Variants in CYB5R3 observed in about 807,000 individuals in gnomAD.
The protein encoded by CYB5R3 is cytochrome b5 reductase 3.
A neutral mutation model predicts 36.5 loss-of-function variants in CYB5R3; 28 were observed. That is an observed-to-expected ratio of 0.77 (90% confidence interval 0.57 to 1.05). CYB5R3 has a LOEUF of 1.05. Ranked by LOEUF, CYB5R3 falls within the 50% of genes least tolerant of loss-of-function variation. CYB5R3 has a pLI of 0.00. For synonymous variants in CYB5R3, 181 were observed against 159.8 expected (o/e 1.13, Z -1.00); for missense variants, 474 against 408.9 (o/e 1.16, Z -1.37).
intron 7 of CYB5R3, among the ~76,000 whole-genome samples, chr22:42,625,756 G>A (rs1367753727): frequency 3.3e-5 from 5 of 152,134 alleles, no homozygotes; most frequent in Admixed American, 1.3e-4. Flanking sequence ...TTCTCGGAGT[G>A]TAGCATGGGG....
intron 1 of CYB5R3, among the ~76,000 whole-genome samples, chr22:42,646,381 G>A (rs745387573): frequency 9.9e-5 from 15 of 152,224 alleles, no homozygotes; most frequent in Admixed American, 2.6e-4. Flanking sequence ...AGGGACACAG[G>A]GTGCCAGAGT....
At chr22:42,620,648 C>T (rs1927914912) in intron 8 of CYB5R3, among the ~76,000 whole-genome samples, 1 of 152,208 alleles carries the variant, frequency 6.6e-6, no homozygotes, top group African/African-American at 2.4e-5. Flanking sequence ...CTGACACAGA[C>T]ACCCTGCCTA....
intron 8 of CYB5R3, among the ~76,000 whole-genome samples, chr22:42,620,880 C>T (rs972047380): frequency 2.0e-5 from 3 of 152,164 alleles, no homozygotes; most frequent in South Asian, 2.1e-4. Context: ...TCACAGCAAG[C>T]GTACATTATA....
At chr22:42,645,093 G>T (rs867249751) in intron 1 of CYB5R3, among the ~76,000 whole-genome samples, 1 of 152,124 alleles carries the variant, frequency 6.6e-6, no homozygotes, top group Non-Finnish European at 1.5e-5. Context: ...TGGGCGCTGG[G>T]CCAAGAAAAA....
At chr22:42,630,683 G>A (rs1215674859) in intron 4 of CYB5R3, among the ~76,000 whole-genome samples, 199 bp downstream of exon 4, 1 of 152,202 alleles carries the variant, frequency 6.6e-6, no homozygotes, top group Non-Finnish European at 1.5e-5. Context: ...TTGGAGTCCG[G>A]GCTGCGGGGG....
chr22:42,634,620 TATTG>T (rs202176575), intron 2 of CYB5R3, among the ~76,000 whole-genome samples: 2 of 143,678 alleles, frequency 1.4e-5, no homozygotes, highest in Admixed American at 1.4e-4. Flanking sequence ...CTAATTTTCA[TATTG>T]ATTGATTGAT....
chr22:42,620,235 T>A (rs1303770743), intron 8 of CYB5R3, among the ~76,000 whole-genome samples: 1 of 152,108 alleles, frequency 6.6e-6, no homozygotes, highest in African/African-American at 2.4e-5. Context: ...AACAACCCAG[T>A]GGGTGGACAG....
Position 42,628,342 on chromosome 22 carries a change from C to G in CYB5R3, c.334-61G>C, listed in dbSNP as rs916055432. 3.7e-6 allele frequency: 6 copies of G among 1,605,536 alleles called. No homozygotes were observed. In the East Asian group the frequency reaches 1.3e-4, roughly 36 times the overall value. On this transcript the variant is annotated intron_variant, in intron 4 of 8. Coordinates refer to ENST00000352397, the MANE Select transcript of CYB5R3 (RefSeq NM_000398.7). ...CCAGGTCTCAGGGGCGAGCTCTTGCCCACAGTGGGAGACAAGTGCCTCTTC... is the reference window on the plus strand; with the variant it reads ...CCAGGTCTCAGGGGCGAGCTCTTGCGCACAGTGGGAGACAAGTGCCTCTTC...
At chr22:42,621,915 G>A (rs926918365) in intron 8 of CYB5R3, among the ~76,000 whole-genome samples, 1 of 152,256 alleles carries the variant, frequency 6.6e-6, no homozygotes, top group Non-Finnish European at 1.5e-5. Flanking sequence ...ACTGACACAT[G>A]GGTACAGGAT....
chr22:42,642,087 T>C (rs1450143942), intron 1 of CYB5R3, among the ~76,000 whole-genome samples: 1 of 151,380 alleles, frequency 6.6e-6, no homozygotes, highest in Non-Finnish European at 1.5e-5. Flanking sequence ...TAACATTAGG[T>C]ACATCTGGGT....
At chr22:42,646,800 G>T in intron 1 of CYB5R3, 1 of 986,252 alleles carries the variant, frequency 1.0e-6, no homozygotes, top group South Asian at 4.7e-5. Flanking sequence ...CCCAGGAGAA[G>T]GAACAGGTGG....
In CYB5R3 at chr22:42,649,277, C is replaced by T; in HGVS notation, c.21+18G>A. 2.0e-6 allele frequency: 2 copies of T among 997,364 alleles called. No individual in the cohort carries two copies. Among genetic ancestry groups the T allele is most frequent in the South Asian group, 4.2e-5 (1 of 23,586 alleles). The allele number at this position is 997,364 out of a possible 1,614,324, so 61.8% of individuals were successfully genotyped here. A position where few individuals can be genotyped will look rare whatever the true frequency, so the allele number is the denominator to read the frequency against. ...CCCTCGCGACGCCCCGCGGCCCCGG[C>T]GCCCCCTCCCCGCCTACCGTGCTGA... is the stretch of plus-strand genomic sequence containing the variant. On this transcript the variant is annotated intron_variant, in intron 1 of 8. Transcript: ENST00000352397.
intron 7 of CYB5R3, among the ~76,000 whole-genome samples, chr22:42,624,647 G>A (rs555297145): frequency 1.8e-3 from 261 of 141,800 alleles, no homozygotes; most frequent in African/African-American, 6.8e-3. Context: ...GCTGCCCAGC[G>A]TTTGCAGGTC....
chr22:42,628,695 G>A (rs8190441), intron 4 of CYB5R3, among the ~76,000 whole-genome samples: 2,060 of 152,274 alleles, frequency 0.014, 18 homozygotes, highest in Non-Finnish European at 0.022. Flanking sequence ...TTGTGCTGTC[G>A]CTAAAAACCT....
At chr22:42,621,183 A>AGTGTGTGTGTGTGTGTGTGT (rs61564405) in intron 8 of CYB5R3, among the ~76,000 whole-genome samples, 7 of 147,716 alleles carry the variant, frequency 4.7e-5, no homozygotes, top group Non-Finnish European at 9.0e-5. Flanking sequence ...ATTTCTTTTT[A>AGTGTGTGTGTGTGTGTGTGT]GTGTGTGTGT....
rs966750896 is a variant in CYB5R3, at chr22:42,619,469, G to C, written c.*304C>G. 3 of 455,642 alleles carry C rather than the reference G, an allele frequency of 6.6e-6. No homozygotes were observed. The highest frequency in any genetic ancestry group is 1.2e-5 in the Non-Finnish European group (3 of 246,626). 28.2% of individuals were successfully genotyped at this position (455,642 alleles called of 1,614,324 possible). A position where few individuals can be genotyped will look rare whatever the true frequency, so the allele number is the denominator to read the frequency against. On this transcript the variant is annotated 3_prime_UTR_variant, in exon 9 of 9. Transcript: ENST00000352397. ...CAGACGGGGCTGCTGGCAGCCCTCA[G>C]CCTTATAGTGTGTGTGGGGGGTGGA...
At chr22:42,630,754 G>C (rs905418000) in intron 4 of CYB5R3, 128 bp downstream of exon 4, 9 of 798,414 alleles carry the variant, frequency 1.1e-5, no homozygotes, top group African/African-American at 3.4e-5. Context: ...AGGAAGTGGG[G>C]CAGCCATGAC....
chr22:42,636,896 A>T (rs761160449), intron 1 of CYB5R3, 50 bp from the exon 2 acceptor site: 1 of 1,598,540 alleles, frequency 6.3e-7, no homozygotes, highest in South Asian at 1.1e-5. Flanking sequence ...CCTTTCCCCA[A>T]ACACACCGGC....
At chr22:42,630,422 C>A (rs1331407789) in intron 4 of CYB5R3, among the ~76,000 whole-genome samples, 1 of 152,196 alleles carries the variant, frequency 6.6e-6, no homozygotes, top group Non-Finnish European at 1.5e-5. Flanking sequence ...CCCGCACACT[C>A]GGGACCCAAC....
Sources: allele counts gnomAD v4.1 joint callset (sites outside exome capture counted in the v4.1 genomes callset), GRCh38; gene constraint gnomAD v4.1.1; transcripts MANE v1.5; gene names NCBI Gene and HGNC (gene_info 2026-07-23, HGNC 2026-07-21).